MEAK7: variants seen among roughly 807,000 people sequenced by gnomAD.
MEAK7 encodes the protein MTOR-associated protein MEAK7.
A neutral mutation model predicts 40.5 loss-of-function variants in MEAK7; 68 were observed. The ratio of observed to expected loss-of-function variants is 1.68; its 90% CI spans 1.38 to 2.06. The LOEUF (loss-of-function observed/expected upper bound fraction) is 2.06, where lower values mean the gene tolerates loss of function less well. Among genes scored for constraint, MEAK7 ranks in the 30% most tolerant of loss-of-function variants. MEAK7 has a pLI of 0.00. For missense variants in MEAK7, 918 were observed against 580.5 expected (o/e 1.58, Z -5.98); for synonymous variants, 338 against 231.9 (o/e 1.46, Z -4.16).
rs1328193320 is a variant in MEAK7 at position 84,494,671 on chromosome 16, C to G, written c.384+1012G>C. 8.3e-6 allele frequency: 3 copies of G among 359,398 alleles called. 1 individual carries two copies. Among genetic ancestry groups the G allele is most frequent in the South Asian group, 4.1e-5 (2 of 49,244 alleles). The allele number at this position is 359,398 out of a possible 1,614,324, so 22.3% of individuals were successfully genotyped here. On this transcript the variant is annotated intron_variant, in intron 3 of 7. Coordinates refer to ENST00000343629, the MANE Select transcript of MEAK7 (RefSeq NM_020947.4). ...TTGTTGTTTTTCTCTCTTCCTCCCC[C>G]ACTATTTTTTCTTCACGGGACATGA...
chr16:84,484,432 T>C (rs1290068229), intron 5 of MEAK7, among the ~76,000 whole-genome samples: 1 of 152,136 alleles, frequency 6.6e-6, no homozygotes, highest in East Asian at 1.9e-4. Flanking sequence ...AGAAAATGAA[T>C]CAATCACCTT....
At chr16:84,486,447 T>C (rs1216861790) in intron 5 of MEAK7, 184 bp downstream of exon 5, 2 of 1,402,926 alleles carry the variant, frequency 1.4e-6, no homozygotes, top group Non-Finnish European at 1.8e-6. Context: ...CGGCCTGTCC[T>C]GAAGAACTCT....
At chr16:84,483,347 G>T (rs758052824) in intron 5 of MEAK7, among the ~76,000 whole-genome samples, 1 of 152,264 alleles carries the variant, frequency 6.6e-6, no homozygotes, top group Non-Finnish European at 1.5e-5. Context: ...CTCAGCACTG[G>T]GGACAGGGCC....
intron 6 of MEAK7, among the ~76,000 whole-genome samples, chr16:84,481,170 C>G (rs991027285): frequency 6.6e-6 from 1 of 152,202 alleles, no homozygotes; most frequent in South Asian, 2.1e-4. Context: ...AACTCAGCTC[C>G]GAGTGTGTGG....
chr16:84,499,197 C>T (rs1484920172), intron 1 of MEAK7, among the ~76,000 whole-genome samples: 1 of 152,078 alleles, frequency 6.6e-6, no homozygotes, highest in African/African-American at 2.4e-5. Context: ...GTCAAGCAAT[C>T]GGGGGATTCA....
intron 2 of MEAK7, among the ~76,000 whole-genome samples, chr16:84,496,918 G>C (rs965929718): frequency 1.3e-5 from 2 of 152,188 alleles, no homozygotes; most frequent in African/African-American, 4.8e-5. Context: ...TGTAACATAT[G>C]TCTGTGTACA....
At chr16:84,504,384 C>T (rs1002455367) in intron 1 of MEAK7, among the ~76,000 whole-genome samples, 4 of 152,184 alleles carry the variant, frequency 2.6e-5, no homozygotes, top group Admixed American at 6.5e-5. Context: ...TGATCCCCCC[C>T]AGGAGACCCT....
chr16:84,482,744 C>G (rs375164854), intron 5 of MEAK7, 34 bp from the exon 6 acceptor site: 1 of 1,611,898 alleles, frequency 6.2e-7, no homozygotes. Context: ...CAAACAGGGT[C>G]GGTGTCTGAG....
intron 4 of MEAK7, 58 bp downstream of exon 4, chr16:84,489,220 G>C: frequency 6.3e-7 from 1 of 1,580,738 alleles, no homozygotes; most frequent in Non-Finnish European, 8.6e-7. Context: ...CAGTAATGGA[G>C]ACAGCAGGTA....
chr16:84,496,914 A>G (rs759995193), intron 2 of MEAK7, among the ~76,000 whole-genome samples: 3 of 152,150 alleles, frequency 2.0e-5, no homozygotes, highest in Non-Finnish European at 4.4e-5. Flanking sequence ...CACATGTAAC[A>G]TATGTCTGTG....
At position 84,479,262 on chromosome 16, in the gene MEAK7, CCT is replaced by C. The variant is rs773101685; in HGVS notation, c.*649_*650del. The stretch of plus-strand genomic sequence containing the variant: ...AAGCGTCGAGATTTTCATCCAGATG[CCT>C]CTGTCCCTCACCCGTCAGAACAGAC... On this transcript the variant is annotated 3_prime_UTR_variant, in exon 8 of 8. Coordinates refer to ENST00000343629, the MANE Select transcript of MEAK7 (RefSeq NM_020947.4). 6.6e-6 allele frequency: 1 copy of C among 152,240 alleles called. No homozygotes were observed. Among genetic ancestry groups the C allele is most frequent in the Non-Finnish European group, 1.5e-5 (1 of 68,072 alleles). 9.4% of individuals were successfully genotyped at this position (152,240 alleles called of 1,614,324 possible).
chr16:84,488,498 A>C (rs893397488), intron 4 of MEAK7: 1 of 152,194 alleles, frequency 6.6e-6, no homozygotes, highest in Non-Finnish European at 1.5e-5. Flanking sequence ...CATTCTTCTC[A>C]AATGTGCTTT....
At chr16:84,493,025 C>G (rs140777091) in intron 3 of MEAK7, among the ~76,000 whole-genome samples, 187 of 152,320 alleles carry the variant, frequency 1.2e-3, no homozygotes, top group African/African-American at 4.2e-3. Flanking sequence ...TGGTATAATA[C>G]AATCATACAG....
chr16:84,496,225 T>C (rs915564509), intron 2 of MEAK7, among the ~76,000 whole-genome samples: 7 of 152,310 alleles, frequency 4.6e-5, no homozygotes, highest in South Asian at 2.1e-4. Context: ...AGAACATCCA[T>C]GGTGCCCTGC....
At chr16:84,493,926 C>T (rs1430773594) in intron 3 of MEAK7, among the ~76,000 whole-genome samples, 1 of 152,186 alleles carries the variant, frequency 6.6e-6, no homozygotes, top group Non-Finnish European at 1.5e-5. Flanking sequence ...GGCCCAAATA[C>T]TCCAAGTTTT....
chr16:84,487,942 A>G (rs549544261), intron 4 of MEAK7: 1 of 152,324 alleles, frequency 6.6e-6, no homozygotes, highest in Middle Eastern at 3.4e-3. Context: ...CAAAGGCCCC[A>G]TTTACAGAGA....
intron 3 of MEAK7, among the ~76,000 whole-genome samples, chr16:84,493,201 G>C (rs927940022): frequency 1.3e-5 from 2 of 152,212 alleles, no homozygotes; most frequent in African/African-American, 2.4e-5. Context: ...TTGTATGCCA[G>C]AGAAGTACCC....
intron 5 of MEAK7, among the ~76,000 whole-genome samples, chr16:84,484,653 T>A (rs1371480281): frequency 2.0e-5 from 3 of 152,114 alleles, no homozygotes; most frequent in African/African-American, 7.2e-5. Flanking sequence ...CTCAAGGAGG[T>A]GGCCACCCTC....
Position 84,479,812 on chromosome 16 carries a change from G to A in MEAK7, c.*101C>T, listed in dbSNP as rs760087042. The A allele has an allele frequency of 3.0e-5, 25 of 833,496 alleles. No homozygotes were observed. The highest frequency in any genetic ancestry group is 1.5e-4 in the Admixed American group (5 of 32,746). The allele number at this position is 833,496 out of a possible 1,614,324, so 51.6% of individuals were successfully genotyped here. ...TACCAGGCTGTGACCCGTGCGGTAC[G>A]CTATTACAGTTAAACCATGTGGGAG... On this transcript the variant is annotated 3_prime_UTR_variant, in exon 8 of 8. Coordinates refer to ENST00000343629, the MANE Select transcript of MEAK7 (RefSeq NM_020947.4).
Sources: gnomAD v4.1 joint callset for allele counts (sites outside exome capture counted in the v4.1 genomes callset) on GRCh38, gnomAD v4.1.1 for gene constraint, MANE v1.5 for transcripts, NCBI Gene and HGNC (gene_info 2026-07-23, HGNC 2026-07-21) for gene names.